The following NR5A1 variants were observed in gnomAD, a reference collection of about 807,000 sequenced individuals.
The protein encoded by NR5A1 is nuclear receptor subfamily 5 group A member 1.
Under a neutral mutation model 42.7 loss-of-function variants are expected in NR5A1, and 6 were observed. The ratio of observed to expected loss-of-function variants is 0.14; its 90% CI spans 0.08 to 0.28. The LOEUF (loss-of-function observed/expected upper bound fraction) is 0.28, where lower values mean the gene tolerates loss of function less well. NR5A1 is among the 10% of genes least tolerant of loss of function. The pLI is 1.00. For synonymous variants in NR5A1, 274 were observed against 277.5 expected (o/e 0.99, Z 0.12); for missense variants, 442 against 626.4 (o/e 0.71, Z 3.14).
At position 124,500,551 on chromosome 9, in the gene NR5A1, C is replaced by T. The variant is rs745949372; in HGVS notation, c.409G>A (p.Asp137Asn). ...GVPPPPPPAP[D>N]YVLPPSLHGP... ...TGCAGGCTGGGAGGCAGCACGTAGTCCGGTGCGGGAGGGGGCGGCGGGGGC... is the reference window on the plus strand; with the variant it reads ...TGCAGGCTGGGAGGCAGCACGTAGTTCGGTGCGGGAGGGGGCGGCGGGGGC... The change falls in exon 4 of 7, where the codon GAC becomes AAC. Residue 137 changes from aspartate to asparagine, a missense_variant. Around this residue, in one of 3 missense-constraint regions of NR5A1, gnomAD observed 208 missense variants for 203.8 expected, o/e 1.02. Transcript: ENST00000373588. This position sits in a 1 kb window ranked among gnomAD's most constrained non-coding sequence, Gnocchi z 6.9. The T allele has an allele frequency of 2.5e-6, 4 of 1,610,418 alleles. No homozygotes were observed. The highest frequency in any genetic ancestry group is 2.2e-5 in the South Asian group (2 of 91,036).
chr9:124,506,396 G>A (rs186480009), intron 1 of NR5A1, among the ~76,000 whole-genome samples: 43 of 152,290 alleles, frequency 2.8e-4, no homozygotes, highest in African/African-American at 9.9e-4. Context: ...AGAAACAAGA[G>A]CATCTGCCCG....
intron 1 of NR5A1, among the ~76,000 whole-genome samples, chr9:124,504,053 G>A (rs1167525829): frequency 9.7e-6 from 1 of 102,804 alleles, no homozygotes; most frequent in African/African-American, 1.3e-4. Flanking sequence ...AGAGAGAGAC[G>A]AGAGAGAGAG....
intron 4 of NR5A1, among the ~76,000 whole-genome samples, chr9:124,497,032 C>T (rs1212282227): frequency 6.6e-6 from 1 of 152,182 alleles, no homozygotes; most frequent in Non-Finnish European, 1.5e-5. Context: ...CAATCGTGTG[C>T]TCAGAGGAGC....
chr9:124,501,472 A>C lies in NR5A1; in HGVS notation c.245-757T>G, dbSNP rs575495555. 1.1e-4 allele frequency among the ~76,000 whole-genome samples: 17 copies of C among 152,298 alleles called. No individual in the cohort carries two copies. The highest frequency in any genetic ancestry group is 3.8e-4 in the African/African-American group (16 of 41,578). ...GTCATCAGCCAGACCCAACAGGTAC[A>C]TCTCTGCAGCTGGAGTGTGCCCCCC... On this transcript the variant is annotated intron_variant, in intron 3 of 6. Coordinates refer to ENST00000373588, the MANE Select transcript of NR5A1 (RefSeq NM_004959.5). This position sits in a 1 kb window ranked among gnomAD's most constrained non-coding sequence, Gnocchi z 4.1.
At chr9:124,487,857 G>A (rs1366929159) in intron 6 of NR5A1, among the ~76,000 whole-genome samples, 1 of 152,250 alleles carries the variant, frequency 6.6e-6, no homozygotes, top group African/African-American at 2.4e-5. Flanking sequence ...CCAGCCCCAG[G>A]TCTAGCCTCT....
chr9:124,506,942 AG>A (rs1832569934), intron 1 of NR5A1: 1 of 152,800 alleles, frequency 6.5e-6, no homozygotes, highest in African/African-American at 2.4e-5. Context: ...AGAGCCCTCC[AG>A]ACACACTCAC....
chr9:124,498,906 C>G lies in NR5A1; in HGVS notation c.870+1184G>C, dbSNP rs1471515789. On this transcript the variant is annotated intron_variant, in intron 4 of 6. Coordinates refer to ENST00000373588, the MANE Select transcript of NR5A1 (RefSeq NM_004959.5). This position sits in a 1 kb window ranked among gnomAD's most constrained non-coding sequence, Gnocchi z 4.6. ...TGCCCCTAGGGCTCGGAGCACCCAC[C>G]CCCACCTACCAGCCAGGGCAGGCAG... 1.3e-5 allele frequency among the ~76,000 whole-genome samples: 2 copies of G among 152,202 alleles called. No homozygotes were observed. The highest frequency in any genetic ancestry group is 4.8e-5 in the African/African-American group (2 of 41,448).
intron 1 of NR5A1, among the ~76,000 whole-genome samples, chr9:124,504,024 C>CAG (rs150663190): frequency 0.11 from 11,223 of 105,780 alleles, 644 homozygotes; most frequent in East Asian, 0.19. Context: ...GACAGGGAGA[C>CAG]AGAGAGAGAG....
intron 5 of NR5A1, among the ~76,000 whole-genome samples, chr9:124,492,037 C>G (rs146821167): frequency 1.1e-4 from 16 of 152,274 alleles, no homozygotes; most frequent in South Asian, 4.1e-4. Flanking sequence ...CTGCCCGTCC[C>G]GTCCTCCTGC....
chr9:124,496,316 T>C lies in NR5A1; in HGVS notation c.871-3167A>G, dbSNP rs763645104. ...TTAACCAGAGAGGGTTGGTTTTCAC[T>C]TTCCGAAGTTTCCTCCCTAAGCTAA... On this transcript the variant is annotated intron_variant, in intron 4 of 6. Transcript: ENST00000373588. The surrounding 1 kb of genome is among the most constrained non-coding windows in gnomAD (Gnocchi z 5.0). 2.0e-5 allele frequency among the ~76,000 whole-genome samples: 3 copies of C among 152,162 alleles called. No individual in the cohort carries two copies. The highest frequency in any genetic ancestry group is 2.9e-5 in the Non-Finnish European group (2 of 68,016).
At chr9:124,506,136 G>A (rs1268406212) in intron 1 of NR5A1, among the ~76,000 whole-genome samples, 1 of 152,234 alleles carries the variant, frequency 6.6e-6, no homozygotes, top group Non-Finnish European at 1.5e-5. Flanking sequence ...TGTGGCCAGA[G>A]AACCCCCCGC....
intron 1 of NR5A1, among the ~76,000 whole-genome samples, chr9:124,505,400 C>T (rs966484059): frequency 6.6e-6 from 1 of 152,200 alleles, no homozygotes; most frequent in Non-Finnish European, 1.5e-5. Flanking sequence ...CAGATTCTCC[C>T]ATGGGGCCCA....
intron 4 of NR5A1, among the ~76,000 whole-genome samples, chr9:124,499,621 G>A (rs764744945): frequency 3.3e-5 from 5 of 152,160 alleles, no homozygotes; most frequent in African/African-American, 7.2e-5. Context: ...AGGATGGGCC[G>A]GACCCCCTTC....
chr9:124,500,920 CCCTCTCCTTCCACTCCACCGAACTCA>C lies in NR5A1; in HGVS notation c.245-231_245-206del. ...CTTTTCAGGCAATCCCTGCTAAGAC[CCCTCTCCTTCCACTCCACCGAACTCA>C]CCTCCACTCCTCTGTTTGACACATC... On this transcript the variant is annotated intron_variant, in intron 3 of 6. Coordinates refer to ENST00000373588, the MANE Select transcript of NR5A1 (RefSeq NM_004959.5). This position sits in a 1 kb window ranked among gnomAD's most constrained non-coding sequence, Gnocchi z 6.9. 1.3e-6 allele frequency: 1 copy of C among 776,162 alleles called. No homozygotes were observed. The allele number at this position is 776,162 out of a possible 1,614,324, so 48.1% of individuals were successfully genotyped here.
chr9:124,494,859 G>A (rs1269596277), intron 4 of NR5A1, among the ~76,000 whole-genome samples: 6 of 152,168 alleles, frequency 3.9e-5, no homozygotes, highest in Admixed American at 3.9e-4. Flanking sequence ...AGGCTCAGAG[G>A]GACTGCTCCC....
At chr9:124,494,305 A>G (rs890284968) in intron 4 of NR5A1, among the ~76,000 whole-genome samples, 5 of 152,178 alleles carry the variant, frequency 3.3e-5, no homozygotes, top group Admixed American at 1.3e-4. Flanking sequence ...CTGAACAGAG[A>G]GGCCACACAG....
intron 5 of NR5A1, among the ~76,000 whole-genome samples, chr9:124,491,890 G>GCACA (rs145384261): frequency 3.4e-5 from 5 of 145,380 alleles, no homozygotes; most frequent in African/African-American, 1.0e-4. Flanking sequence ...ACACAGGCAG[G>GCACA]CACACACACA....
intron 6 of NR5A1, among the ~76,000 whole-genome samples, chr9:124,489,205 C>T (rs372611997): frequency 1.2e-4 from 19 of 152,370 alleles, no homozygotes; most frequent in African/African-American, 3.8e-4. Flanking sequence ...ACAGACAGAG[C>T]CCTGGCAAAG....
chr9:124,494,797 C>G (rs886097045), intron 4 of NR5A1, among the ~76,000 whole-genome samples: 2 of 152,174 alleles, frequency 1.3e-5, no homozygotes, highest in African/African-American at 4.8e-5. Flanking sequence ...AGAAGGGCCA[C>G]TCCCCACCTG....
Sources: allele counts gnomAD v4.1 joint callset (sites outside exome capture counted in the v4.1 genomes callset), GRCh38; gene constraint gnomAD v4.1.1; regional missense constraint gnomAD v4.1.1; non-coding constraint Gnocchi (gnomAD v3.1); transcripts MANE v1.5; gene names NCBI Gene and HGNC (gene_info 2026-07-23, HGNC 2026-07-21).